ZNF92: variants seen among roughly 807,000 people sequenced by gnomAD.
ZNF92 encodes the protein epididymis luminal protein 203.
ZNF92 carries 11 observed loss-of-function variants against 12.4 expected under a neutral mutation model. That is an observed-to-expected ratio of 0.89 (90% CI 0.56 to 1.47). The LOEUF (loss-of-function observed/expected upper bound fraction) is 1.47. ZNF92 is among the 40% of genes most tolerant of loss of function. The pLI is 0.00. For missense variants in ZNF92, 622 were observed against 681.0 expected (o/e 0.91, Z 0.96); for synonymous variants, 206 against 228.6 (o/e 0.90, Z 0.89).
At chr7:65,389,000 T>C (rs1793642763) in intron 3 of ZNF92, 99 bp downstream of exon 3, 9 of 1,095,948 alleles carry the variant, frequency 8.2e-6, no homozygotes, top group Non-Finnish European at 1.2e-5. Context: ...GACCTTGTTG[T>C]CCAGGCTGGA....
chr7:65,388,182 T>G, intron 2 of ZNF92, 154 bp downstream of exon 2: 1 of 708,292 alleles, frequency 1.4e-6, no homozygotes, highest in South Asian at 2.0e-5. Flanking sequence ...AAAGAACTTC[T>G]TCAAGATGTT....
intron 1 of ZNF92, among the ~76,000 whole-genome samples, chr7:65,376,927 A>G (rs1793258903): frequency 6.6e-6 from 1 of 152,110 alleles, no homozygotes; most frequent in Non-Finnish European, 1.5e-5. Flanking sequence ...TGCAGAGTAA[A>G]TTTGTTACAG....
intron 1 of ZNF92, among the ~76,000 whole-genome samples, chr7:65,378,885 G>T (rs942157157): frequency 6.6e-6 from 1 of 152,202 alleles, no homozygotes; most frequent in Non-Finnish European, 1.5e-5. Context: ...AATGGTAAGA[G>T]TGGTTCTTTC....
In ZNF92 at chr7:65,387,942, T is replaced by G; in HGVS notation, c.44T>G (p.Leu15Arg). The G allele has an allele frequency of 6.2e-7, 1 of 1,608,370 alleles. No homozygotes were observed. Among genetic ancestry groups the G allele is most frequent in the South Asian group, 1.1e-5 (1 of 90,530 alleles). ...AGGGATGTGAAAATAGAATTCTCTC[T>G]AGAGGAATGGCAATGCCTGGACACT... ...TFRDVKIEFS[L>R]EEWQCLDTAQ... The change falls in exon 2 of 4, where the codon CTA becomes CGA. Residue 15 changes from leucine to arginine, a missense_variant. By Grantham distance (102) the Leu-to-Arg change is moderately radical. Coordinates refer to ENST00000328747, the MANE Select transcript of ZNF92 (RefSeq NM_152626.4).
Position 65,400,629 on chromosome 7 carries a change from A to G in ZNF92, c.*754A>G, listed in dbSNP as rs1418631938. 6.6e-6 allele frequency: 1 copy of G among 152,018 alleles called. No homozygotes were observed. Among genetic ancestry groups the G allele is most frequent in the Non-Finnish European group, 1.5e-5 (1 of 67,908 alleles). The allele number at this position is 152,018 out of a possible 1,614,324, so 9.4% of individuals were successfully genotyped here. On this transcript the variant is annotated 3_prime_UTR_variant, in exon 4 of 4. Coordinates refer to ENST00000328747, the MANE Select transcript of ZNF92 (RefSeq NM_152626.4). ...GATCCAAAACTAAAATTGTTAGGTA[A>G]GTTATTTATATATAACTTTAAAAGA... is the stretch of plus-strand genomic sequence containing the variant.
chr7:65,395,564 G>GT (rs770127295), intron 3 of ZNF92, among the ~76,000 whole-genome samples: 26 of 152,144 alleles, frequency 1.7e-4, no homozygotes, highest in Non-Finnish European at 3.4e-4. Flanking sequence ...CTGGAGGAAG[G>GT]TGCTTGGGTC....
chr7:65,394,717 G>A (rs1562796388), intron 3 of ZNF92, among the ~76,000 whole-genome samples: 1 of 152,098 alleles, frequency 6.6e-6, no homozygotes, highest in South Asian at 2.1e-4. Flanking sequence ...TGGCTGGTGC[G>A]ATCTGGGCTC....
At chr7:65,388,613 G>A (rs1793632216) in intron 2 of ZNF92, among the ~76,000 whole-genome samples, 193 bp from the exon 3 acceptor site, 1 of 151,438 alleles carries the variant, frequency 6.6e-6, no homozygotes, top group South Asian at 2.1e-4. Flanking sequence ...ACTCCAGCCT[G>A]GGTGACAGAG....
chr7:65,396,735 G>A (rs1449951178), intron 3 of ZNF92, among the ~76,000 whole-genome samples: 1 of 151,964 alleles, frequency 6.6e-6, no homozygotes, highest in Admixed American at 6.6e-5. Flanking sequence ...GGCTGATCTT[G>A]AACTCCTGGT....
rs1793819495 is a variant in ZNF92 at position 65,395,363 on chromosome 7, A to G, written c.227-2978A>G. Among the ~76,000 whole-genome samples the G allele has an allele frequency of 2.0e-5, 3 of 152,092 alleles. No homozygotes were observed. The South Asian group carries it at 6.2e-4, about 32-fold the overall frequency. On this transcript the variant is annotated intron_variant, in intron 3 of 3. Coordinates refer to ENST00000328747, the MANE Select transcript of ZNF92 (RefSeq NM_152626.4). ...GCCCCTGCACCCAGCTGGTATTCTTATATTAATAAGACTTGGTATGTGTCC... is the reference window on the plus strand; with the variant it reads ...GCCCCTGCACCCAGCTGGTATTCTTGTATTAATAAGACTTGGTATGTGTCC...
intron 2 of ZNF92, among the ~76,000 whole-genome samples, chr7:65,388,496 A>G (rs1046240465): frequency 2.6e-5 from 4 of 151,856 alleles, no homozygotes; most frequent in African/African-American, 7.3e-5. Flanking sequence ...AAAATTAGCC[A>G]GGCGTGTTGG....
rs979599406 is a variant in ZNF92, at chr7:65,400,242, C to T, written c.*367C>T. On this transcript the variant is annotated 3_prime_UTR_variant, in exon 4 of 4. Transcript: ENST00000328747. The stretch of plus-strand genomic sequence containing the variant: ...CGAGGAAGAGTATTCTTAAGATGAA[C>T]ATTACAAATAGAAAGAGGGTTGTAG... The T allele has an allele frequency of 6.1e-6, 1 of 164,418 alleles. No homozygotes were observed. The highest frequency in any genetic ancestry group is 1.3e-5 in the Non-Finnish European group (1 of 75,274). 10.2% of individuals were successfully genotyped at this position (164,418 alleles called of 1,614,324 possible).
In ZNF92 at chr7:65,387,939, C is replaced by T; in HGVS notation, c.41C>T (p.Ser14Phe). ...TTTAGGGATGTGAAAATAGAATTCTCTCTAGAGGAATGGCAATGCCTGGAC... is the reference window on the plus strand; with the variant it reads ...TTTAGGGATGTGAAAATAGAATTCTTTCTAGAGGAATGGCAATGCCTGGAC... The part of the protein sequence containing the change: ...LTFRDVKIEF[S>F]LEEWQCLDTA... The change falls in exon 2 of 4, where the codon TCT becomes TTT. Residue 14 changes from serine to phenylalanine, a missense_variant. Coordinates refer to ENST00000328747, the MANE Select transcript of ZNF92 (RefSeq NM_152626.4). 6.2e-7 allele frequency: 1 copy of T among 1,608,238 alleles called. No individual in the cohort carries two copies. Among genetic ancestry groups the T allele is most frequent in the Non-Finnish European group, 8.5e-7 (1 of 1,177,648 alleles).
intron 3 of ZNF92, among the ~76,000 whole-genome samples, chr7:65,391,816 T>G (rs1438594422): frequency 6.6e-6 from 1 of 152,154 alleles, no homozygotes; most frequent in African/African-American, 2.4e-5. Context: ...GCATTTTCTC[T>G]GAAATTTTAC....
At chr7:65,398,078 A>G (rs146314762) in intron 3 of ZNF92, among the ~76,000 whole-genome samples, 36 of 151,906 alleles carry the variant, frequency 2.4e-4, no homozygotes, top group African/African-American at 8.4e-4. Flanking sequence ...AATGTAACAC[A>G]GTTTTCTTTT....
chr7:65,376,736 C>T (rs895089598), intron 1 of ZNF92, among the ~76,000 whole-genome samples: 6 of 152,156 alleles, frequency 3.9e-5, no homozygotes, highest in South Asian at 2.1e-4. Context: ...TGAGCCACCG[C>T]GCCTAGCCCA....
At position 65,373,884 on chromosome 7, in the gene ZNF92, T is replaced by C. The variant is rs1793155233; in HGVS notation, c.-114T>C. 1.6e-5 allele frequency: 23 copies of C among 1,453,456 alleles called. No individual in the cohort carries two copies. The highest frequency in any genetic ancestry group is 1.0e-4 in the Admixed American group (6 of 59,452). 90.0% of individuals were successfully genotyped at this position (1,453,456 alleles called of 1,614,324 possible). A position where few individuals can be genotyped will look rare whatever the true frequency, so the allele number is the denominator to read the frequency against. ...CTCGCTGCAGCCGGCGCTCCACGTC[T>C]AGTCTTCACTGCTCTGCGTCCTGTG... On this transcript the variant is annotated 5_prime_UTR_variant, in exon 1 of 4. Coordinates refer to ENST00000328747, the MANE Select transcript of ZNF92 (RefSeq NM_152626.4).
intron 3 of ZNF92, 80 bp downstream of exon 3, chr7:65,388,981 C>A: frequency 7.8e-7 from 1 of 1,282,278 alleles, no homozygotes; most frequent in South Asian, 1.2e-5. Flanking sequence ...TTTTCTTAGT[C>A]GGAGTTTTGA....
rs1447441254 is a variant in ZNF92 at position 65,389,664 on chromosome 7, G to GCC, written c.226+764_226+765insCC. Among the ~76,000 whole-genome samples the GCC allele has an allele frequency of 3.9e-3, 587 of 151,938 alleles. 2 individuals are homozygous for GCC. The highest frequency in any genetic ancestry group is 6.6e-3 in the Admixed American group (101 of 15,248). On this transcript the variant is annotated intron_variant, in intron 3 of 3. Coordinates refer to ENST00000328747, the MANE Select transcript of ZNF92 (RefSeq NM_152626.4). ...CCCGAGTAGCTGGGACTATAGGCAT[G>GCC]CACCACCACGTCCAGCTAATTTTTG...
Sources: gnomAD v4.1 joint callset for allele counts (sites outside exome capture counted in the v4.1 genomes callset) on GRCh38, gnomAD v4.1.1 for gene constraint, MANE v1.5 for transcripts, NCBI Gene and HGNC (gene_info 2026-07-23, HGNC 2026-07-21) for gene names.